Variants in TMEM181 observed in about 807,000 individuals in gnomAD.
TMEM181 encodes the protein transmembrane protein 181.
TMEM181 carries 39 observed loss-of-function variants against 71.9 expected under a neutral mutation model. The ratio of observed to expected loss-of-function variants is 0.54; its 90% confidence interval spans 0.42 to 0.71. The LOEUF (loss-of-function observed/expected upper bound fraction) is 0.71, where lower values mean the gene tolerates loss of function less well. Among genes scored for constraint, TMEM181 ranks in the 30% least tolerant of loss-of-function variants. The probability of loss-of-function intolerance (pLI) is 0.00; values close to 1 mark genes in which losing one functional copy is unlikely to be tolerated. For synonymous variants in TMEM181, 245 were observed against 228.8 expected, an observed-to-expected ratio of 1.07 and a Z score of -0.64; for missense variants, 595 against 583.0, an observed-to-expected ratio of 1.02 and a Z score of -0.21.
intron 1 of TMEM181, among the ~76,000 whole-genome samples, chr6:158,540,294 T>C (rs1781294247): frequency 1.3e-5 from 2 of 152,364 alleles, no homozygotes; most frequent in Admixed American, 6.5e-5. Context: ...ATAATCATTA[T>C]GGAAAACCAC....
chr6:158,592,365 C>A (rs754529842), intron 6 of TMEM181, among the ~76,000 whole-genome samples: 4 of 152,152 alleles, frequency 2.6e-5, no homozygotes, highest in Non-Finnish European at 2.9e-5. Flanking sequence ...ATAGATTGGG[C>A]CGGGGGCAGT....
chr6:158,537,035 C>T (rs926253195), intron 1 of TMEM181, among the ~76,000 whole-genome samples: 16 of 151,800 alleles, frequency 1.1e-4, no homozygotes, highest in Admixed American at 7.2e-4. Flanking sequence ...CTGGGAGGGA[C>T]CAGGAAGGGG....
chr6:158,623,755 T>C (rs968572203), intron 11 of TMEM181, 148 bp downstream of exon 11: 1 of 494,174 alleles, frequency 2.0e-6, no homozygotes, highest in Non-Finnish European at 3.4e-6. Flanking sequence ...GTGGAAGATT[T>C]GGGGAAATTT....
intron 13 of TMEM181, chr6:158,628,203 C>T (rs139292917): frequency 8.6e-5 from 60 of 697,020 alleles, no homozygotes; most frequent in African/African-American, 6.3e-4. Flanking sequence ...CACCTAGATC[C>T]GAGACCAAAA....
At position 158,616,169 on chromosome 6, in the gene TMEM181, G is replaced by A. The variant is rs541724331; in HGVS notation, c.897-7381G>A. 2.0e-5 allele frequency among the ~76,000 whole-genome samples: 3 copies of A among 152,248 alleles called. No individual in the cohort carries two copies. In the East Asian group the frequency reaches 5.8e-4, roughly 29 times the overall value. ...TCCTCTTTTATTTCGTTGAGCAGTG[G>A]TTTGTAGTTCTCCTTCAAGAGGTCC... is the stretch of plus-strand genomic sequence containing the variant. On this transcript the variant is annotated intron_variant, in intron 10 of 16. Coordinates refer to ENST00000684151, the MANE Select transcript of TMEM181 (RefSeq NM_001376852.1).
At chr6:158,607,490 T>A in intron 8 of TMEM181, 147 bp downstream of exon 8, 1 of 705,188 alleles carries the variant, frequency 1.4e-6, no homozygotes, top group Admixed American at 2.4e-5. Context: ...CCAGCCTGGG[T>A]AACATAGCAA....
intron 5 of TMEM181, among the ~76,000 whole-genome samples, chr6:158,588,213 C>T (rs895587004): frequency 1.3e-5 from 2 of 152,250 alleles, no homozygotes; most frequent in African/African-American, 4.8e-5. Flanking sequence ...GGGCTTTTAG[C>T]CCCTTTGCAG....
In TMEM181 at chr6:158,608,345, C is replaced by T. The variant is rs1785080459; in HGVS notation, c.686C>T (p.Pro229Leu). The stretch of plus-strand genomic sequence containing the variant: ...CTTTGTGTTCCAGATCCGTTCTTCC[C>T]CCTCTCCTTCCTGGTCAACAGCTGG... The part of the protein sequence containing the change: ...LLLLYNDPFF[P>L]LSFLVNSWLP... The change falls in exon 9 of 17, where the codon CCC becomes CTC. Residue 229 changes from proline to leucine, a missense_variant. Transcript: ENST00000684151. 6.2e-7 allele frequency: 1 copy of T among 1,614,112 alleles called. No individual in the cohort carries two copies. The highest frequency in any genetic ancestry group is 1.3e-5 in the African/African-American group (1 of 74,930).
At chr6:158,625,349 C>G in intron 12 of TMEM181, 143 bp downstream of exon 12, 1 of 721,850 alleles carries the variant, frequency 1.4e-6, no homozygotes, top group Non-Finnish European at 2.4e-6. Context: ...GACCAGGGCA[C>G]GTGGTCCCTG....
At chr6:158,546,744 G>T (rs1483899700) in intron 1 of TMEM181, among the ~76,000 whole-genome samples, 2 of 150,384 alleles carry the variant, frequency 1.3e-5, no homozygotes, top group East Asian at 2.0e-4. Flanking sequence ...GGATCACAAG[G>T]GTCAGGAGTT....
At chr6:158,576,065 G>C (rs1023767316) in intron 2 of TMEM181, among the ~76,000 whole-genome samples, 1 of 152,158 alleles carries the variant, frequency 6.6e-6, no homozygotes, top group Non-Finnish European at 1.5e-5. Context: ...AGTAGGAATC[G>C]ATGTCTTCTA....
At chr6:158,617,394 G>C (rs142094718) in intron 10 of TMEM181, among the ~76,000 whole-genome samples, 1 of 151,352 alleles carries the variant, frequency 6.6e-6, no homozygotes, top group Non-Finnish European at 1.5e-5. Context: ...TCTTGCTAGC[G>C]GTCTATTTTG....
At chr6:158,549,633 A>G (rs1216683410) in intron 1 of TMEM181, among the ~76,000 whole-genome samples, 2 of 152,248 alleles carry the variant, frequency 1.3e-5, no homozygotes, top group African/African-American at 4.8e-5. Context: ...GGCATTCCAC[A>G]GTAAGCTCTG....
At chr6:158,541,390 C>G (rs919853898) in intron 1 of TMEM181, among the ~76,000 whole-genome samples, 3 of 152,082 alleles carry the variant, frequency 2.0e-5, no homozygotes, top group African/African-American at 7.3e-5. Context: ...GCACTCCAGC[C>G]TGGGCGACAA....
upstream of TMEM181, among the ~76,000 whole-genome samples, chr6:158,556,583 G>A (rs1781895047): frequency 6.6e-6 from 1 of 152,170 alleles, no homozygotes; most frequent in Non-Finnish European, 1.5e-5. Flanking sequence ...CTCACAAGGG[G>A]GATGCCAGTC....
At position 158,542,566 on chromosome 6, in the gene TMEM181, T is replaced by C. The variant is rs536013692; in HGVS notation, c.131+5701T>C. ...AATTATTTCTTTGTGTACCTTGGGG[T>C]AAGCGGAGCTATTGCCCATACAGCA... On this transcript the variant is annotated intron_variant, in intron 1 of 16. Transcript: ENST00000367090. Among the ~76,000 whole-genome samples the C allele has an allele frequency of 3.3e-5, 5 of 152,304 alleles. No individual in the cohort carries two copies. In the South Asian group the frequency reaches 1.0e-3, roughly 32 times the overall value.
intron 6 of TMEM181, among the ~76,000 whole-genome samples, chr6:158,597,265 TGTCTTA>T (rs1784431987): frequency 6.6e-6 from 1 of 152,214 alleles, no homozygotes; most frequent in Non-Finnish European, 1.5e-5. Flanking sequence ...GATAGAATGG[TGTCTTA>T]GTCTATGCTT....
chr6:158,610,343 G>A (rs898518414), intron 10 of TMEM181: 9 of 287,444 alleles, frequency 3.1e-5, no homozygotes, highest in African/African-American at 6.7e-5. Flanking sequence ...AGCTCCCCCC[G>A]TAGGCAATTT....
At chr6:158,615,833 C>T (rs889427577) in intron 10 of TMEM181, among the ~76,000 whole-genome samples, 3 of 152,090 alleles carry the variant, frequency 2.0e-5, no homozygotes, top group Non-Finnish European at 4.4e-5. Flanking sequence ...TGTTCTGTTC[C>T]CTTGTTCTAC....
Sources: allele counts gnomAD v4.1 joint callset (sites outside exome capture counted in the v4.1 genomes callset), GRCh38; gene constraint gnomAD v4.1.1; transcripts MANE v1.5; gene names NCBI Gene and HGNC (gene_info 2026-07-23, HGNC 2026-07-21).